Variants in EREG observed in about 807,000 individuals in gnomAD.
The protein encoded by EREG is proepiregulin.
Under a neutral mutation model 22.4 loss-of-function variants are expected in EREG, and 23 were observed. That is an observed-to-expected ratio of 1.03 (90% CI 0.74 to 1.46). EREG has a LOEUF of 1.46. Ranked by LOEUF, EREG falls within the 40% of genes most tolerant of loss-of-function variation. The probability of loss-of-function intolerance (pLI) is 0.00; values close to 1 mark genes in which losing one functional copy is unlikely to be tolerated. For missense variants in EREG, 226 were observed against 205.9 expected (o/e 1.10, Z -0.60); for synonymous variants, 100 against 75.4 (o/e 1.33, Z -1.69).
rs1340287687 is a variant in EREG, at chr4:74,384,793, G to A, written c.495G>A (p.Glu165=). The A allele has an allele frequency of 4.3e-6, 7 of 1,611,494 alleles. No homozygotes were observed. The highest frequency in any genetic ancestry group is 5.1e-6 in the Non-Finnish European group (6 of 1,177,904). The change falls in exon 5 of 5, where the codon GAG becomes GAA. Residue 165 remains glutamate, a synonymous_variant. Transcript: ENST00000244869. ...EYERVTSGDP[E]LPQV ...AGAGAGTTACCTCAGGGGATCCAGA[G>A]TTGCCGCAAGTCTGAATGGCGCCAT...
Position 74,385,892 on chromosome 4 carries a change from G to A in EREG, c.*1084G>A. 2.5e-6 allele frequency: 1 copy of A among 396,678 alleles called. No individual in the cohort carries two copies. The highest frequency in any genetic ancestry group is 4.4e-5 in the Admixed American group (1 of 22,680). 24.6% of individuals were successfully genotyped at this position (396,678 alleles called of 1,614,324 possible). On this transcript the variant is annotated 3_prime_UTR_variant, in exon 5 of 5. Transcript: ENST00000244869. ...AATGTAAAGTTATGTATTTAAAGTT[G>A]TATCTTGACACAGGAAATGGGAAAA...
rs1305332467 is a variant in EREG, at chr4:74,370,643, G to T, written c.67+5268G>T. On this transcript the variant is annotated intron_variant, in intron 1 of 4. Transcript: ENST00000244869. ...TGTGTGTGTGAGAGAGAGAGATAGA[G>T]AGAGAGAGACAGAAAGAGAGGAAGA... 2.6e-5 allele frequency among the ~76,000 whole-genome samples: 4 copies of T among 152,138 alleles called. No homozygotes were observed. In the South Asian group the frequency reaches 8.3e-4, roughly 32 times the overall value.
rs1300609102 is a variant in EREG, at chr4:74,385,672, G to T, written c.*864G>T. ...TTTGTGCTTTTTAAGAATATTTTTAGACTATTTCTTTTTATAGGGGCTTTG... is the reference window on the plus strand; with the variant it reads ...TTTGTGCTTTTTAAGAATATTTTTATACTATTTCTTTTTATAGGGGCTTTG... On this transcript the variant is annotated 3_prime_UTR_variant, in exon 5 of 5. Transcript: ENST00000244869. 2.8e-6 allele frequency: 1 copy of T among 360,704 alleles called. No homozygotes were observed. Among genetic ancestry groups the T allele is most frequent in the East Asian group, 3.8e-5 (1 of 26,080 alleles). 22.3% of individuals were successfully genotyped at this position (360,704 alleles called of 1,614,324 possible).
chr4:74,372,277 T>C (rs1752303807), intron 1 of EREG, among the ~76,000 whole-genome samples: 2 of 152,236 alleles, frequency 1.3e-5, no homozygotes, highest in African/African-American at 2.4e-5. Context: ...ATTATGTGGG[T>C]TCTCTGAATA....
At chr4:74,380,931 G>A in intron 2 of EREG, 83 bp from the exon 3 acceptor site, 3 of 1,442,428 alleles carry the variant, frequency 2.1e-6, no homozygotes, top group African/African-American at 1.4e-5. Flanking sequence ...TGTAGAAGTA[G>A]TTCAGTGGTT....
In EREG at chr4:74,385,801, A is replaced by G; in HGVS notation, c.*993A>G. On this transcript the variant is annotated 3_prime_UTR_variant, in exon 5 of 5. Coordinates refer to ENST00000244869, the MANE Select transcript of EREG (RefSeq NM_001432.3). ...ACATGTTGTCTTAAGATGGAAATAC[A>G]GTTATTTCATCTTTTATTCAAGGAA... is the stretch of plus-strand genomic sequence containing the variant. 2.5e-6 allele frequency: 1 copy of G among 395,462 alleles called. No individual in the cohort carries two copies. The highest frequency in any genetic ancestry group is 4.5e-6 in the Non-Finnish European group (1 of 223,994). The allele number at this position is 395,462 out of a possible 1,614,324, so 24.5% of individuals were successfully genotyped here. A position where few individuals can be genotyped will look rare whatever the true frequency, so the allele number is the denominator to read the frequency against.
At chr4:74,384,694 A>G (rs771068928) in intron 4 of EREG, 33 bp from the exon 5 acceptor site, 3 of 1,235,664 alleles carry the variant, frequency 2.4e-6, no homozygotes, top group Non-Finnish European at 3.6e-6. Context: ...TATTAACTGC[A>G]GTGCTAACAG....
At position 74,385,765 on chromosome 4, in the gene EREG, A is replaced by G. The variant is rs931612718; in HGVS notation, c.*957A>G. 7 of 388,002 alleles carry G rather than the reference A, an allele frequency of 1.8e-5. No individual in the cohort carries two copies. The highest frequency in any genetic ancestry group is 3.2e-5 in the Non-Finnish European group (7 of 219,078). The allele number at this position is 388,002 out of a possible 1,614,324, so 24.0% of individuals were successfully genotyped here. On this transcript the variant is annotated 3_prime_UTR_variant, in exon 5 of 5. Transcript: ENST00000244869. ...AATTATTATTTTAAAATATATGAAGACAATAATTCTACATGTTGTCTTAAG... is the reference window on the plus strand; with the variant it reads ...AATTATTATTTTAAAATATATGAAGGCAATAATTCTACATGTTGTCTTAAG...
chr4:74,367,063 T>C (rs1163975122), intron 1 of EREG, among the ~76,000 whole-genome samples: 1 of 152,192 alleles, frequency 6.6e-6, no homozygotes, highest in Non-Finnish European at 1.5e-5. Flanking sequence ...TCCCAAATCT[T>C]GTCCTTCCCC....
At chr4:74,383,689 T>C (rs1317633018) in intron 4 of EREG, among the ~76,000 whole-genome samples, 1 of 152,182 alleles carries the variant, frequency 6.6e-6, no homozygotes, top group Non-Finnish European at 1.5e-5. Flanking sequence ...TATTTTTCTG[T>C]GAAAGTAGTG....
rs1199234668 is a variant in EREG at position 74,381,094 on chromosome 4, G to A, written c.235G>A (p.Gly79Arg). 1.2e-6 allele frequency: 2 copies of A among 1,613,316 alleles called. No individual in the cohort carries two copies. The highest frequency in any genetic ancestry group is 1.7e-6 in the Non-Finnish European group (2 of 1,179,458). Reference protein sequence around the residue: ...SSDMNGYCLHGQCIYLVDMSQ... With the variant: ...SSDMNGYCLHRQCIYLVDMSQ... ...TGACATGAATGGCTATTGTTTGCAT[G>A]GACAGTGCATCTATCTGGTGGACAT... Residue 79 changes from glycine (G) to arginine (R), a missense_variant, in exon 3 of 5, where the codon GGA becomes AGA. Transcript: ENST00000244869.
chr4:74,365,452 G>C, intron 1 of EREG, 77 bp downstream of exon 1: 1 of 1,272,526 alleles, frequency 7.9e-7, no homozygotes, highest in Non-Finnish European at 1.1e-6. Context: ...TTTGTCATTC[G>C]ACAAGTACGG....
chr4:74,388,728 A>G lies in EREG; in HGVS notation c.*3920A>G, dbSNP rs1752617505. 1 of 152,402 alleles carries G rather than the reference A, an allele frequency of 6.6e-6. No homozygotes were observed. Among genetic ancestry groups the G allele is most frequent in the Non-Finnish European group, 1.5e-5 (1 of 68,016 alleles). 9.4% of individuals were successfully genotyped at this position (152,402 alleles called of 1,614,324 possible). On this transcript the variant is annotated 3_prime_UTR_variant, in exon 5 of 5. Coordinates refer to ENST00000244869, the MANE Select transcript of EREG (RefSeq NM_001432.3). ...AAAAAATTGAAATAAATAAAAATGC[A>G]TTGAACATCTTGCATTCAAAATCTT...
Position 74,365,253 on chromosome 4 carries a change from C to A in EREG, c.-56C>A. 2 of 1,432,624 alleles carry A rather than the reference C, an allele frequency of 1.4e-6. No individual in the cohort carries two copies. The highest frequency in any genetic ancestry group is 1.9e-6 in the Non-Finnish European group (2 of 1,032,946). The allele number at this position is 1,432,624 out of a possible 1,614,324, so 88.7% of individuals were successfully genotyped here. ...GCGAGCCCGTCTGCTCCCGCCCTGCCCGTGCACTCTCCGCAGCCGCCCTCC... is the reference window on the plus strand; with the variant it reads ...GCGAGCCCGTCTGCTCCCGCCCTGCACGTGCACTCTCCGCAGCCGCCCTCC... On this transcript the variant is annotated 5_prime_UTR_variant, in exon 1 of 5. Coordinates refer to ENST00000244869, the MANE Select transcript of EREG (RefSeq NM_001432.3).
chr4:74,374,942 G>T (rs1255920912), intron 1 of EREG, among the ~76,000 whole-genome samples: 1 of 152,148 alleles, frequency 6.6e-6, no homozygotes, highest in East Asian at 1.9e-4. Context: ...TTCCATTTTT[G>T]CAGCTGTATT....
intron 1 of EREG, among the ~76,000 whole-genome samples, chr4:74,376,334 C>T (rs1752382704): frequency 6.6e-6 from 1 of 152,164 alleles, no homozygotes; most frequent in Admixed American, 6.5e-5. Flanking sequence ...GGTAATGTCT[C>T]CTCCAAAGCT....
chr4:74,381,285 C>A (rs1752470173), intron 3 of EREG, 148 bp downstream of exon 3: 2 of 635,118 alleles, frequency 3.1e-6, no homozygotes, highest in African/African-American at 1.9e-5. Context: ...GTGCATGGAA[C>A]CCATTAGGTA....
chr4:74,385,539 G>A lies in EREG; in HGVS notation c.*731G>A, dbSNP rs1752555971. ...TTCTGTAATCTTTTATTTAAGTAGT[G>A]GGCATTTCATAGCTTCACAATGTTC... On this transcript the variant is annotated 3_prime_UTR_variant, in exon 5 of 5. Coordinates refer to ENST00000244869, the MANE Select transcript of EREG (RefSeq NM_001432.3). 4.7e-6 allele frequency: 1 copy of A among 213,744 alleles called. No homozygotes were observed. The highest frequency in any genetic ancestry group is 9.1e-6 in the Non-Finnish European group (1 of 109,414). 13.2% of individuals were successfully genotyped at this position (213,744 alleles called of 1,614,324 possible).
intron 1 of EREG, among the ~76,000 whole-genome samples, chr4:74,373,112 T>G (rs1752320374): frequency 6.6e-6 from 1 of 151,900 alleles, no homozygotes; most frequent in African/African-American, 2.4e-5. Context: ...AGAGTTGGTA[T>G]GTATTCTCCT....
Sources: gnomAD v4.1 joint callset for allele counts (sites outside exome capture counted in the v4.1 genomes callset) on GRCh38, gnomAD v4.1.1 for gene constraint, MANE v1.5 for transcripts, NCBI Gene and HGNC (gene_info 2026-07-23, HGNC 2026-07-21) for gene names.